NELL1: variants seen among roughly 807,000 people sequenced by gnomAD.
The protein encoded by NELL1 is neural EGFL like 1, also known as protein kinase C-binding protein NELL1.
Under a neutral mutation model 107.4 loss-of-function variants are expected in NELL1, and 76 were observed. That is an observed-to-expected ratio of 0.71 (90% CI 0.59 to 0.86). The LOEUF (loss-of-function observed/expected upper bound fraction) is 0.86. NELL1 is among the 40% of genes least tolerant of loss of function. The probability of loss-of-function intolerance (pLI) is 0.00; values close to 1 mark genes in which losing one functional copy is unlikely to be tolerated. For synonymous variants in NELL1, 353 were observed against 341.2 expected, an observed-to-expected ratio of 1.03 and a Z score of -0.38; for missense variants, 1,024 against 1,005.5, an observed-to-expected ratio of 1.02 and a Z score of -0.25.
At chr11:21,279,330 A>G (rs1464206084) in intron 14 of NELL1, among the ~76,000 whole-genome samples, 3 of 152,218 alleles carry the variant, frequency 2.0e-5, no homozygotes, top group Non-Finnish European at 4.4e-5. Context: ...GTGAGAAGGC[A>G]AGTCATTGAG....
chr11:21,097,763 T>C (rs549198660), intron 12 of NELL1, among the ~76,000 whole-genome samples: 2 of 152,278 alleles, frequency 1.3e-5, no homozygotes, highest in South Asian at 4.1e-4. Flanking sequence ...CAGAAAGATT[T>C]ATTTTGTCTT....
intron 15 of NELL1, among the ~76,000 whole-genome samples, chr11:21,400,685 C>T (rs1191861745): frequency 6.6e-6 from 1 of 151,916 alleles, no homozygotes; most frequent in African/African-American, 2.4e-5. Flanking sequence ...GATAAATCAG[C>T]ATGCGCTTAT....
intron 2 of NELL1, among the ~76,000 whole-genome samples, chr11:20,704,641 A>G (rs1854891232): frequency 6.6e-6 from 1 of 152,112 alleles, no homozygotes; most frequent in Non-Finnish European, 1.5e-5. Flanking sequence ...AGTGGCTGGT[A>G]CCAGTTGTTC....
chr11:20,700,143 C>CAAAAA (rs374766865), intron 2 of NELL1, among the ~76,000 whole-genome samples: 1 of 151,664 alleles, frequency 6.6e-6, no homozygotes, highest in Non-Finnish European at 1.5e-5. Flanking sequence ...AAAACAAAAA[C>CAAAAA]AAAACAGAGC....
chr11:21,392,966 C>A (rs2133785840), intron 15 of NELL1, among the ~76,000 whole-genome samples: 1 of 150,020 alleles, frequency 6.7e-6, no homozygotes, highest in Middle Eastern at 3.4e-3. Context: ...CTATAAACTG[C>A]CATTCCACTA....
At chr11:21,161,300 G>A (rs753346203) in intron 13 of NELL1, among the ~76,000 whole-genome samples, 2 of 152,190 alleles carry the variant, frequency 1.3e-5, no homozygotes, top group Non-Finnish European at 2.9e-5. Flanking sequence ...CACCTTGGGA[G>A]GCTGAGACAG....
At chr11:20,780,714 G>A (rs1011013630) in intron 2 of NELL1, among the ~76,000 whole-genome samples, 2 of 152,218 alleles carry the variant, frequency 1.3e-5, no homozygotes, top group African/African-American at 4.8e-5. Context: ...TGCAGAGTCT[G>A]CCTTGGAGAG....
intron 7 of NELL1, among the ~76,000 whole-genome samples, chr11:20,919,903 A>G (rs1210491862): frequency 6.6e-6 from 1 of 152,090 alleles, no homozygotes; most frequent in Non-Finnish European, 1.5e-5. Context: ...TCCATCATCC[A>G]CTTAACAAGC....
chr11:21,256,677 T>C (rs755653611), intron 14 of NELL1, among the ~76,000 whole-genome samples: 53 of 152,050 alleles, frequency 3.5e-4, no homozygotes, highest in Non-Finnish European at 5.0e-4. Context: ...ACTACTCACA[T>C]AGTGTCTGTC....
chr11:21,126,320 G>T (rs899800324), intron 13 of NELL1, among the ~76,000 whole-genome samples: 3 of 151,912 alleles, frequency 2.0e-5, no homozygotes, highest in East Asian at 3.9e-4. Context: ...ACCTATTCAC[G>T]TAAGCAAGCA....
At chr11:21,008,315 A>C (rs1417141491) in intron 12 of NELL1, among the ~76,000 whole-genome samples, 1 of 152,164 alleles carries the variant, frequency 6.6e-6, no homozygotes, top group Non-Finnish European at 1.5e-5. Context: ...TCTATTATGA[A>C]GGCTAAATTG....
chr11:21,434,678 A>G lies in NELL1; in HGVS notation c.1645+63730A>G, dbSNP rs574577274. ...AGCATTGCTTTGACTATTGTCAAGA[A>G]ACCAAATGTTTTTTGGTCCCATATG... On this transcript the variant is annotated intron_variant, in intron 15 of 19. Transcript: ENST00000357134. 9.9e-5 allele frequency among the ~76,000 whole-genome samples: 15 copies of G among 152,192 alleles called. No homozygotes were observed. The South Asian group carries it at 2.9e-3, about 29-fold the overall frequency.
chr11:21,184,990 C>G (rs1856903339), intron 13 of NELL1, among the ~76,000 whole-genome samples: 1 of 151,816 alleles, frequency 6.6e-6, no homozygotes, highest in East Asian at 1.9e-4. Flanking sequence ...CTTTAACAGC[C>G]AATCGCATAA....
At chr11:21,551,999 A>T (rs938557489) in intron 16 of NELL1, among the ~76,000 whole-genome samples, 3 of 146,980 alleles carry the variant, frequency 2.0e-5, no homozygotes, top group African/African-American at 7.5e-5. Context: ...GACATGGATG[A>T]AATTGGAAAT....
chr11:21,239,227 A>C (rs1858287143), intron 14 of NELL1, among the ~76,000 whole-genome samples: 1 of 152,108 alleles, frequency 6.6e-6, no homozygotes, highest in African/African-American at 2.4e-5. Context: ...CATTATGTAT[A>C]TAATACACAC....
chr11:21,104,353 T>C (rs1854895649), intron 12 of NELL1, among the ~76,000 whole-genome samples: 1 of 152,236 alleles, frequency 6.6e-6, no homozygotes, highest in African/African-American at 2.4e-5. Context: ...TGTTGTCTTA[T>C]GATGCCTTTC....
chr11:20,796,423 T>A (rs892836011), intron 3 of NELL1, among the ~76,000 whole-genome samples: 2 of 152,204 alleles, frequency 1.3e-5, no homozygotes, highest in Admixed American at 6.5e-5. Context: ...CCATGTAACT[T>A]TCTCCTTGGG....
intron 17 of NELL1, among the ~76,000 whole-genome samples, chr11:21,568,569 C>T (rs867831012): frequency 1.3e-5 from 2 of 151,960 alleles, no homozygotes; most frequent in Middle Eastern, 6.8e-3. Context: ...AACACAAACA[C>T]ATTGTACAGC....
chr11:21,551,791 A>G (rs1856594271), intron 16 of NELL1, among the ~76,000 whole-genome samples: 1 of 151,618 alleles, frequency 6.6e-6, no homozygotes, highest in Non-Finnish European at 1.5e-5. Context: ...TACTGGGTAT[A>G]TACCCAAAGG....
Sources: gnomAD v4.1 joint callset for allele counts (sites outside exome capture counted in the v4.1 genomes callset) on GRCh38, gnomAD v4.1.1 for gene constraint, MANE v1.5 for transcripts, NCBI Gene and HGNC (gene_info 2026-07-23, HGNC 2026-07-21) for gene names.